Variants in ITGAV observed in about 807,000 individuals in gnomAD.
ITGAV encodes the protein integrin subunit alpha V.
A neutral mutation model predicts 143.8 loss-of-function variants in ITGAV; 76 were observed. The ratio of observed to expected loss-of-function variants is 0.53; its 90% confidence interval spans 0.44 to 0.64. ITGAV has a LOEUF of 0.64. Ranked by LOEUF, ITGAV falls within the 30% of genes least tolerant of loss-of-function variation. The pLI is 0.00. For missense variants in ITGAV, 1,193 were observed against 1,274.7 expected (o/e 0.94, Z 0.98); for synonymous variants, 453 against 446.7 (o/e 1.01, Z -0.18).
chr2:186,669,113 C>T (rs551544866), intron 25 of ITGAV, among the ~76,000 whole-genome samples, 193 bp downstream of exon 25: 3 of 152,316 alleles, frequency 2.0e-5, no homozygotes, highest in Admixed American at 1.3e-4. Context: ...TCTGTGATGT[C>T]TAGTGAACCA....
chr2:186,616,432 G>C (rs189887712), intron 2 of ITGAV, among the ~76,000 whole-genome samples: 3 of 151,318 alleles, frequency 2.0e-5, no homozygotes, highest in Admixed American at 6.6e-5. Context: ...GCGCCCGCCA[G>C]CACGCCCGGC....
At chr2:186,635,523 C>G (rs1024309055) in intron 6 of ITGAV, among the ~76,000 whole-genome samples, 1 of 152,110 alleles carries the variant, frequency 6.6e-6, no homozygotes, top group Non-Finnish European at 1.5e-5. Flanking sequence ...ATTACTGTGT[C>G]CATATTGTGG....
chr2:186,617,237 G>C (rs1034865306), intron 2 of ITGAV, among the ~76,000 whole-genome samples: 18 of 152,098 alleles, frequency 1.2e-4, no homozygotes, highest in African/African-American at 4.3e-4. Context: ...TGTTCCAAGG[G>C]ATATTCTTTT....
At position 186,640,903 on chromosome 2, in the gene ITGAV, C is replaced by A; in HGVS notation, c.904-12C>A. The A allele has an allele frequency of 6.3e-7, 1 of 1,580,016 alleles. No homozygotes were observed. The highest frequency in any genetic ancestry group is 8.6e-7 in the Non-Finnish European group (1 of 1,157,026). ...TGAAATATAAACATTTCATTTTCAT[C>A]TTTTTATCCAGATGGCTGCATATTT... On this transcript the variant is annotated splice_polypyrimidine_tract_variant and intron_variant, in intron 10 of 29. Transcript: ENST00000261023.
chr2:186,610,326 C>T (rs1330287031), intron 2 of ITGAV, among the ~76,000 whole-genome samples: 1 of 152,062 alleles, frequency 6.6e-6, no homozygotes, highest in Non-Finnish European at 1.5e-5. Flanking sequence ...AAACCTTAGT[C>T]CAAAATTTAG....
At chr2:186,592,683 G>A (rs1178510375) in intron 1 of ITGAV, among the ~76,000 whole-genome samples, 1 of 151,918 alleles carries the variant, frequency 6.6e-6, no homozygotes, top group African/African-American at 2.4e-5. Context: ...TATAATCAAT[G>A]AATGTGTTAT....
chr2:186,599,577 C>T (rs1686840524), intron 1 of ITGAV, among the ~76,000 whole-genome samples: 1 of 152,198 alleles, frequency 6.6e-6, no homozygotes, highest in African/African-American at 2.4e-5. Context: ...TCACTGCAGC[C>T]TCAACCTCCT....
intron 10 of ITGAV, among the ~76,000 whole-genome samples, chr2:186,639,066 T>C (rs1301964987): frequency 1.3e-5 from 2 of 152,226 alleles, no homozygotes; most frequent in African/African-American, 4.8e-5. Flanking sequence ...GGCACAGATA[T>C]GTGTATTATA....
In ITGAV at chr2:186,671,653, A is replaced by G. The variant is rs1689064719; in HGVS notation, c.2706+1839A>G. Among the ~76,000 whole-genome samples, 3 of 152,262 alleles carry G rather than the reference A, an allele frequency of 2.0e-5. No homozygotes were observed. In the South Asian group the frequency reaches 6.2e-4, roughly 32 times the overall value. On this transcript the variant is annotated intron_variant, in intron 26 of 29. Transcript: ENST00000261023. ...TTACACAAAATTAACCATTTTAATGATTTTAAAGTGCATAATTTAGTGTTT... is the reference window on the plus strand; with the variant it reads ...TTACACAAAATTAACCATTTTAATGGTTTTAAAGTGCATAATTTAGTGTTT...
intron 2 of ITGAV, among the ~76,000 whole-genome samples, chr2:186,607,003 T>TA (rs909270397): frequency 3.9e-5 from 6 of 152,074 alleles, no homozygotes; most frequent in African/African-American, 1.4e-4. Flanking sequence ...CTAAACTTGA[T>TA]ACTATTGTTA....
intron 8 of ITGAV, among the ~76,000 whole-genome samples, chr2:186,637,986 C>A (rs1207366066): frequency 6.6e-6 from 1 of 152,080 alleles, no homozygotes; most frequent in Non-Finnish European, 1.5e-5. Context: ...TGTAGTTTTT[C>A]TTCATTCTTA....
At chr2:186,656,425 CTTG>C (rs1246154114) in intron 17 of ITGAV, 24 bp downstream of exon 17, 18 of 1,435,160 alleles carry the variant, frequency 1.3e-5, no homozygotes, top group Admixed American at 5.8e-5. Context: ...TTTCTGCTAC[CTTG>C]TTGTTCCTTT....
intron 13 of ITGAV, among the ~76,000 whole-genome samples, chr2:186,649,503 A>C (rs915422841): frequency 2.0e-5 from 3 of 152,188 alleles, no homozygotes; most frequent in Non-Finnish European, 4.4e-5. Context: ...ATTTTACAGT[A>C]AGATTGTAAA....
chr2:186,620,166 G>A (rs1687482361), intron 2 of ITGAV, among the ~76,000 whole-genome samples: 1 of 152,020 alleles, frequency 6.6e-6, no homozygotes, highest in African/African-American at 2.4e-5. Context: ...CACTTGTACT[G>A]TACCCTTACT....
intron 1 of ITGAV, 22 bp from the exon 2 acceptor site, chr2:186,601,999 G>A (rs778210191): frequency 2.5e-6 from 4 of 1,599,286 alleles, no homozygotes; most frequent in East Asian, 4.5e-5. Context: ...TTAAACTTTG[G>A]TCTGCCGCTT....
At chr2:186,667,324 C>A in intron 23 of ITGAV, 94 bp downstream of exon 23, 2 of 890,266 alleles carry the variant, frequency 2.2e-6, no homozygotes, top group Non-Finnish European at 3.6e-6. Context: ...ATAGACCCTG[C>A]ATGTTTAGTG....
intron 18 of ITGAV, among the ~76,000 whole-genome samples, chr2:186,661,534 A>C (rs1242168028): frequency 6.6e-6 from 1 of 151,990 alleles, no homozygotes; most frequent in Non-Finnish European, 1.5e-5. Context: ...CTTTCTGCAG[A>C]AAGAGTTGGG....
At chr2:186,612,222 G>C (rs774772020) in intron 2 of ITGAV, among the ~76,000 whole-genome samples, 5 of 152,136 alleles carry the variant, frequency 3.3e-5, no homozygotes, top group Non-Finnish European at 7.4e-5. Flanking sequence ...GCTACTGACA[G>C]TCTGAGCCTT....
intron 1 of ITGAV, among the ~76,000 whole-genome samples, chr2:186,595,356 A>T (rs1686719569): frequency 6.6e-6 from 1 of 152,222 alleles, no homozygotes; most frequent in African/African-American, 2.4e-5. Flanking sequence ...TGTCAAGGTC[A>T]CATTCCGTGA....
Sources: gnomAD v4.1 joint callset for allele counts (sites outside exome capture counted in the v4.1 genomes callset) on GRCh38, gnomAD v4.1.1 for gene constraint, MANE v1.5 for transcripts, NCBI Gene and HGNC (gene_info 2026-07-23, HGNC 2026-07-21) for gene names.